WDR3: variants seen among roughly 807,000 people sequenced by gnomAD.
The protein encoded by WDR3 is WD repeat domain 3.
A neutral mutation model predicts 123.7 loss-of-function variants in WDR3; 81 were observed. That is an observed-to-expected ratio of 0.65 (90% CI 0.55 to 0.79). WDR3 has a LOEUF of 0.79. Among genes scored for constraint, WDR3 ranks in the 30% least tolerant of loss-of-function variants. WDR3 has a pLI of 0.00. For missense variants in WDR3, 1,027 were observed against 1,123.2 expected, an observed-to-expected ratio of 0.91 and a Z score of 1.22; for synonymous variants, 390 against 388.8, an observed-to-expected ratio of 1.00 and a Z score of -0.04.
At chr1:117,942,619 G>T (rs1363145581) in intron 10 of WDR3, 75 bp downstream of exon 10, 1 of 1,317,896 alleles carries the variant, frequency 7.6e-7, no homozygotes, top group Non-Finnish European at 1.1e-6. Flanking sequence ...CATGCTATTT[G>T]TAAGCTGTCT....
At chr1:117,949,681 T>TA in intron 13 of WDR3, 70 bp from the exon 14 acceptor site, 1 of 1,527,504 alleles carries the variant, frequency 6.5e-7, no homozygotes, top group Non-Finnish European at 8.9e-7. Flanking sequence ...CTTAGACTTT[T>TA]AAAATGTATC....
rs1557818716 is a variant in WDR3, at chr1:117,940,732, A to ACG, written c.676-95_676-94insCG. 2,305 of 960,166 alleles carry ACG rather than the reference A, an allele frequency of 2.4e-3. 9 individuals carry two copies. In the South Asian group the frequency reaches 0.024, roughly 10 times the overall value. 59.5% of individuals were successfully genotyped at this position (960,166 alleles called of 1,614,324 possible). On this transcript the variant is annotated intron_variant, in intron 6 of 26. Coordinates refer to ENST00000349139, the MANE Select transcript of WDR3 (RefSeq NM_006784.3). Reference sequence around the variant, plus strand: ...GACAGAGTAAGACTCTGTCTCCGACAACAACAACAACAACAACAAAACAAC... The same window carrying ACG: ...GACAGAGTAAGACTCTGTCTCCGACACGACAACAACAACAACAACAAAACAAC...
chr1:117,946,952 A>AAT (rs1651426036), intron 12 of WDR3, among the ~76,000 whole-genome samples: 1 of 151,614 alleles, frequency 6.6e-6, no homozygotes, highest in Non-Finnish European at 1.5e-5. Flanking sequence ...AAAAAAAAAA[A>AAT]AAAAAAAAAT....
At chr1:117,946,809 C>T (rs563003257) in intron 12 of WDR3, among the ~76,000 whole-genome samples, 5 of 151,812 alleles carry the variant, frequency 3.3e-5, no homozygotes, top group Non-Finnish European at 4.4e-5. Flanking sequence ...GGTGTGGTGG[C>T]GGGCGCCTGT....
At chr1:117,940,039 G>A (rs1005944403) in intron 6 of WDR3, among the ~76,000 whole-genome samples, 23 of 152,322 alleles carry the variant, frequency 1.5e-4, no homozygotes, top group African/African-American at 5.3e-4. Context: ...CAGCCATTTC[G>A]ATGGGAGTTA....
At chr1:117,951,281 G>A (rs927780636) in intron 16 of WDR3, among the ~76,000 whole-genome samples, 5 of 151,670 alleles carry the variant, frequency 3.3e-5, no homozygotes, top group Admixed American at 1.3e-4. Flanking sequence ...GATAGTTACG[G>A]TATTTTACAC....
chr1:117,953,922 A>G (rs878929062), intron 21 of WDR3, 85 bp from the exon 22 acceptor site: 11 of 1,176,340 alleles, frequency 9.4e-6, no homozygotes, highest in Non-Finnish European at 1.3e-5. Flanking sequence ...TCATTTGGCA[A>G]ATTTCTGGTC....
rs774616556 is a variant in WDR3 at position 117,933,328 on chromosome 1, C to T, written c.9C>T (p.Leu3=). 26 of 1,614,090 alleles carry T rather than the reference C, an allele frequency of 1.6e-5. No homozygotes were observed. The change falls in exon 2 of 27, where the codon CTC becomes CTT. Residue 3 remains leucine (L), a synonymous_variant. Coordinates refer to ENST00000349139, the MANE Select transcript of WDR3 (RefSeq NM_006784.3). Reference sequence around the variant, plus strand: ...GTATCAGACATCACAACATGGGGCTCACCAAGCAGTACCTACGCTATGTTG... The same window carrying T: ...GTATCAGACATCACAACATGGGGCTTACCAAGCAGTACCTACGCTATGTTG... MG[L]TKQYLRYVAS... is the part of the protein sequence containing the mutation.
chr1:117,958,814 T>A, intron 25 of WDR3, 96 bp from the exon 26 acceptor site: 1 of 831,462 alleles, frequency 1.2e-6, no homozygotes, highest in South Asian at 2.0e-5. Context: ...GTATATTTTG[T>A]TGTTGCTTTG....
rs1307847908 is a variant in WDR3, at chr1:117,963,701, A to G, written c.*4254A>G. ...TTCATTCATTCAGGCCAGGTGGCTT[A>G]TAGGTTTCTGACTATAAGAAGAGGG... On this transcript the variant is annotated 3_prime_UTR_variant, in exon 27 of 27. Transcript: ENST00000349139. The G allele has an allele frequency of 5.2e-6, 6 of 1,159,850 alleles. No homozygotes were observed. Among genetic ancestry groups the G allele is most frequent in the Admixed American group, 2.6e-5 (1 of 38,342 alleles). 71.8% of individuals were successfully genotyped at this position (1,159,850 alleles called of 1,614,324 possible). A position where few individuals can be genotyped will look rare whatever the true frequency, so the allele number is the denominator to read the frequency against.
At position 117,961,922 on chromosome 1, in the gene WDR3, A is replaced by AT. The variant is rs1459061055; in HGVS notation, c.*2481dup. 1.3e-5 allele frequency: 2 copies of AT among 152,166 alleles called. No homozygotes were observed. The highest frequency in any genetic ancestry group is 1.5e-5 in the Non-Finnish European group (1 of 67,980). The allele number at this position is 152,166 out of a possible 1,614,324, so 9.4% of individuals were successfully genotyped here. On this transcript the variant is annotated 3_prime_UTR_variant, in exon 27 of 27. Transcript: ENST00000349139. ...GAGTTAATTCTTGAAAAAAAATTTA[A>AT]TTTTTTATGAGAACAGAAGTTGATT...
At chr1:117,950,654 A>G (rs1048285923) in intron 15 of WDR3, among the ~76,000 whole-genome samples, 180 bp from the exon 16 acceptor site, 4 of 152,120 alleles carry the variant, frequency 2.6e-5, no homozygotes, top group Admixed American at 6.5e-5. Flanking sequence ...TGGCAAGCAC[A>G]TGGAGGGTCT....
At chr1:117,954,263 G>T (rs936517855) in intron 22 of WDR3, among the ~76,000 whole-genome samples, 164 bp downstream of exon 22, 4 of 152,054 alleles carry the variant, frequency 2.6e-5, no homozygotes, top group African/African-American at 9.7e-5. Flanking sequence ...GGGAAGAAGG[G>T]AACTTGGTCT....
chr1:117,946,833 C>T (rs374064916), intron 12 of WDR3, among the ~76,000 whole-genome samples: 5 of 147,474 alleles, frequency 3.4e-5, no homozygotes, highest in East Asian at 2.0e-4. Context: ...CCCAGCTACT[C>T]GGGAGGCTGA....
intron 23 of WDR3, 151 bp downstream of exon 23, chr1:117,954,778 AT>A (rs1404698524): frequency 1.1e-6 from 1 of 873,362 alleles, no homozygotes; most frequent in Non-Finnish European, 1.7e-6. Context: ...TCTCTAGGAT[AT>A]TTTGTATTTC....
At chr1:117,944,743 C>G (rs1651308335) in intron 11 of WDR3, among the ~76,000 whole-genome samples, 1 of 152,094 alleles carries the variant, frequency 6.6e-6, no homozygotes, top group South Asian at 2.1e-4. Flanking sequence ...GCTCTGTCGC[C>G]CAGGCTGGAG....
At chr1:117,938,670 CAT>C (rs1651029583) in intron 5 of WDR3, 112 bp downstream of exon 5, 4 of 865,036 alleles carry the variant, frequency 4.6e-6, no homozygotes, top group African/African-American at 3.4e-5. Flanking sequence ...CAGTAATTAT[CAT>C]ATGCCATCTT....
rs774316410 is a variant in WDR3 at position 117,938,551 on chromosome 1, G to C, written c.572G>C (p.Arg191Pro). Residue 191 changes from arginine to proline, a missense_variant, in exon 5 of 27, where the codon CGG (arginine) becomes CCG (proline). Physicochemically the swap from Arg to Pro is moderately radical, Grantham distance 103. Coordinates refer to ENST00000349139, the MANE Select transcript of WDR3 (RefSeq NM_006784.3). ...QHCFKTMVGH[R>P]TEVWGLVLLS... is the part of the protein sequence containing the mutation. ...TGCTTTAAAACAATGGTTGGCCACC[G>C]GACTGAGGTAAGTGTAGGGTCATGG... 3 of 1,613,012 alleles carry C rather than the reference G, an allele frequency of 1.9e-6. No homozygotes were observed. Among genetic ancestry groups the C allele is most frequent in the Non-Finnish European group, 2.5e-6 (3 of 1,179,212 alleles).
chr1:117,963,813 CTT>C lies in WDR3; in HGVS notation c.*4368_*4369del, dbSNP rs1432292553. ...ACTTACTGTACCTAATGTGGAGAAACTTTACGAGACATGAAGACTCCAAGTGT... is the reference window on the plus strand; with the variant it reads ...ACTTACTGTACCTAATGTGGAGAAACTACGAGACATGAAGACTCCAAGTGT... On this transcript the variant is annotated 3_prime_UTR_variant, in exon 27 of 27. Coordinates refer to ENST00000349139, the MANE Select transcript of WDR3 (RefSeq NM_006784.3). The C allele has an allele frequency of 2.5e-6, 4 of 1,612,496 alleles. No homozygotes were observed. The highest frequency in any genetic ancestry group is 3.4e-6 in the Non-Finnish European group (4 of 1,179,250).
Sources: gnomAD v4.1 joint callset for allele counts (sites outside exome capture counted in the v4.1 genomes callset) on GRCh38, gnomAD v4.1.1 for gene constraint, MANE v1.5 for transcripts, NCBI Gene and HGNC (gene_info 2026-07-23, HGNC 2026-07-21) for gene names.